Variants in TENM4 observed in about 807,000 individuals in gnomAD.
The protein encoded by TENM4 is teneurin-4.
A neutral mutation model predicts 243.3 loss-of-function variants in TENM4; 82 were observed. That is an observed-to-expected ratio of 0.34 (90% CI 0.28 to 0.40). TENM4 has a LOEUF of 0.40. Among genes scored for constraint, TENM4 ranks in the 10% least tolerant of loss-of-function variants. TENM4 has a pLI of 1.00. For missense variants in TENM4, 3,138 were observed against 3,673.3 expected (o/e 0.85, Z 3.77); for synonymous variants, 1,412 against 1,456.3 (o/e 0.97, Z 0.69).
intron 1 of TENM4, among the ~76,000 whole-genome samples, chr11:79,429,818 G>T (rs1025016042): frequency 2.0e-5 from 3 of 152,114 alleles, no homozygotes; most frequent in Non-Finnish European, 4.4e-5. Context: ...TTCAAGGATG[G>T]CAAGGACTCA....
intron 12 of TENM4, among the ~76,000 whole-genome samples, chr11:78,827,155 C>T (rs1217373120): frequency 6.6e-6 from 1 of 152,098 alleles, no homozygotes; most frequent in African/African-American, 2.4e-5. Flanking sequence ...TATATTTTTC[C>T]AGTTTACTAA....
At chr11:78,840,570 GC>G (rs1490642649) in intron 12 of TENM4, among the ~76,000 whole-genome samples, 1 of 152,154 alleles carries the variant, frequency 6.6e-6, no homozygotes. Context: ...CAAGAAACCA[GC>G]CCTAACCTCC....
At chr11:78,805,793 C>T (rs1309548559) in intron 14 of TENM4, among the ~76,000 whole-genome samples, 1 of 152,174 alleles carries the variant, frequency 6.6e-6, no homozygotes, top group African/African-American at 2.4e-5. Flanking sequence ...ATCTCCACCT[C>T]CTAGAACATT....
At chr11:79,182,860 T>C (rs74496747) in intron 3 of TENM4, among the ~76,000 whole-genome samples, 5,511 of 152,198 alleles carry the variant, frequency 0.036, 339 homozygotes, top group African/African-American at 0.13. Context: ...ATTAAAACAA[T>C]ACTAATACTA....
chr11:78,722,743 C>A lies in TENM4; in HGVS notation c.3725G>T (p.Ser1242Ile), dbSNP rs1436600762. 3 of 1,614,068 alleles carry A rather than the reference C, an allele frequency of 1.9e-6. No individual in the cohort carries two copies. In the African/African-American group the frequency reaches 4.0e-5, roughly 22 times the overall value. ...PVALTCGSDG[S>I]LYVGDFNYIR... ...GTAGTTGAAATCACCCACATAGAGG[C>A]TCCCGTCAGAGCCACAGGTGAGGGC... Residue 1242 changes from serine to isoleucine, a missense_variant, in exon 24 of 34, where the codon AGC becomes ATC. Coordinates refer to ENST00000278550, the MANE Select transcript of TENM4 (RefSeq NM_001098816.3).
chr11:78,658,414 T>C lies in TENM4; in HGVS notation c.7954A>G (p.Ile2652Val). The C allele has an allele frequency of 6.2e-7, 1 of 1,614,062 alleles. No individual in the cohort carries two copies. Among genetic ancestry groups the C allele is most frequent in the Non-Finnish European group, 8.5e-7 (1 of 1,179,906 alleles). ...ENGVNVTVSQ[I>V]NTVLNGRTRR... ...GTCCTGCCATTAAGTACTGTGTTGA[T>C]CTGGGACACAGTGACGTTGACCCCA... The change falls in exon 34 of 34, where the codon ATC becomes GTC. Residue 2652 changes from isoleucine (I) to valine (V), a missense_variant. By Grantham distance (29) the Ile-to-Val change is conservative. Coordinates refer to ENST00000278550, the MANE Select transcript of TENM4 (RefSeq NM_001098816.3).
At chr11:78,950,631 A>G (rs1339492479) in intron 6 of TENM4, among the ~76,000 whole-genome samples, 3 of 152,220 alleles carry the variant, frequency 2.0e-5, no homozygotes, top group Non-Finnish European at 4.4e-5. Flanking sequence ...CAGAAAAATG[A>G]CAACAATGAT....
At chr11:79,248,775 C>CT (rs969903479) in intron 2 of TENM4, among the ~76,000 whole-genome samples, 1 of 150,288 alleles carries the variant, frequency 6.7e-6, no homozygotes, top group African/African-American at 2.5e-5. Context: ...TCTGCAGAGA[C>CT]TTTTTTTTCC....
intron 6 of TENM4, among the ~76,000 whole-genome samples, chr11:78,961,092 T>G (rs867801832): frequency 2.6e-5 from 4 of 152,258 alleles, no homozygotes; most frequent in African/African-American, 9.6e-5. Flanking sequence ...CCAGAGCCCA[T>G]AGACTGTCTT....
At chr11:78,782,549 G>A (rs1856859212) in intron 16 of TENM4, among the ~76,000 whole-genome samples, 1 of 152,130 alleles carries the variant, frequency 6.6e-6, no homozygotes, top group African/African-American at 2.4e-5. Context: ...GTCAGCCGAG[G>A]TCGTGCCACT....
intron 4 of TENM4, among the ~76,000 whole-genome samples, chr11:79,109,832 G>A (rs891531052): frequency 5.9e-5 from 9 of 152,106 alleles, no homozygotes; most frequent in Non-Finnish European, 1.0e-4. Flanking sequence ...TGTGACTCTG[G>A]GCAATTCTGA....
intron 1 of TENM4, among the ~76,000 whole-genome samples, chr11:79,375,836 G>A (rs954287488): frequency 6.6e-6 from 1 of 152,144 alleles, no homozygotes; most frequent in African/African-American, 2.4e-5. Context: ...GTATATGTAT[G>A]CAAAAACCCA....
At position 79,439,181 on chromosome 11, in the gene TENM4, A is replaced by G. The variant is rs538565583; in HGVS notation, c.-321+1328T>C. The G allele has an allele frequency of 9.7e-5, 14 of 144,596 alleles. No individual in the cohort carries two copies. In the South Asian group the frequency reaches 3.4e-3, roughly 35 times the overall value. 9.0% of individuals were successfully genotyped at this position (144,596 alleles called of 1,614,324 possible). A position where few individuals can be genotyped will look rare whatever the true frequency, so the allele number is the denominator to read the frequency against. ...CGAGCTTGCCCCACCACCGCCTTCTACAAAGCAGCGGGGTGATCTCGTGTG... is the reference window on the plus strand; with the variant it reads ...CGAGCTTGCCCCACCACCGCCTTCTGCAAAGCAGCGGGGTGATCTCGTGTG... On this transcript the variant is annotated intron_variant, in intron 1 of 33. Coordinates refer to ENST00000278550, the MANE Select transcript of TENM4 (RefSeq NM_001098816.3).
intron 3 of TENM4, among the ~76,000 whole-genome samples, chr11:79,198,865 T>A (rs569456959): frequency 3.3e-5 from 5 of 152,146 alleles, no homozygotes; most frequent in African/African-American, 1.2e-4. Context: ...AGGAGAAAGA[T>A]TAAAAGAGGG....
chr11:79,227,437 CGTGCTGAGAAA>C (rs1410590891), intron 2 of TENM4, among the ~76,000 whole-genome samples: 1 of 152,182 alleles, frequency 6.6e-6, no homozygotes, highest in Non-Finnish European at 1.5e-5. Context: ...GACTGATAAA[CGTGCTGAGAAA>C]GACTCTGCAG....
At chr11:78,687,252 T>C (rs7124224) in intron 29 of TENM4, among the ~76,000 whole-genome samples, 12,525 of 151,978 alleles carry the variant, frequency 0.082, 1,705 homozygotes, top group African/African-American at 0.29. Context: ...CTTGCTTTCT[T>C]TTCCTGGAGA....
In TENM4 at chr11:79,290,461, C is replaced by G. The variant is rs190205944; in HGVS notation, c.-265+7027G>C. On this transcript the variant is annotated intron_variant, in intron 2 of 33. Coordinates refer to ENST00000278550, the MANE Select transcript of TENM4 (RefSeq NM_001098816.3). ...GACTAGAATCTGGGTTTTTTGGCAT[C>G]CGATCAATCCAGTCACAGGCAGAAA... 1.4e-4 allele frequency among the ~76,000 whole-genome samples: 21 copies of G among 152,300 alleles called. No homozygotes were observed. The East Asian group carries it at 4.1e-3, about 29-fold the overall frequency.
chr11:79,308,423 T>G lies in TENM4; in HGVS notation c.-320-10880A>C, dbSNP rs116848843. ...ATTAACTATCATAACCGTGAGGTAG[T>G]GATGAGTGTAAGTGATATTTTGAGG... On this transcript the variant is annotated intron_variant, in intron 1 of 33. Transcript: ENST00000278550. 4.9e-3 allele frequency among the ~76,000 whole-genome samples: 746 copies of G among 152,276 alleles called. 4 individuals carry two copies. The highest frequency in any genetic ancestry group is 7.3e-3 in the Non-Finnish European group (497 of 68,018).
chr11:79,262,116 C>T (rs1387360229), intron 2 of TENM4, among the ~76,000 whole-genome samples: 1 of 152,166 alleles, frequency 6.6e-6, no homozygotes, highest in Non-Finnish European at 1.5e-5. Context: ...CATCACGTGC[C>T]AGGCGCCACC....
Sources: allele counts gnomAD v4.1 joint callset (sites outside exome capture counted in the v4.1 genomes callset), GRCh38; gene constraint gnomAD v4.1.1; transcripts MANE v1.5; gene names NCBI Gene and HGNC (gene_info 2026-07-23, HGNC 2026-07-21).